DZANK1: variants seen among roughly 807,000 people sequenced by gnomAD.
DZANK1 encodes the protein double zinc ribbon and ankyrin repeat domains 1, also known as double zinc ribbon and ankyrin repeat-containing protein 1.
A neutral mutation model predicts 94.5 loss-of-function variants in DZANK1; 91 were observed. The observed-to-expected ratio is 0.96, with a 90% CI of 0.81 to 1.15. The LOEUF is 1.15. Ranked by LOEUF, DZANK1 falls within the 50% of genes most tolerant of loss-of-function variation. The probability of loss-of-function intolerance (pLI) is 0.00; values close to 1 mark genes in which losing one functional copy is unlikely to be tolerated. For synonymous variants in DZANK1, 312 were observed against 325.3 expected, an observed-to-expected ratio of 0.96 and a Z score of 0.44; for missense variants, 903 against 916.4, an observed-to-expected ratio of 0.99 and a Z score of 0.19.
At chr20:18,431,314 C>G (rs2058274888) in intron 9 of DZANK1, among the ~76,000 whole-genome samples, 1 of 152,136 alleles carries the variant, frequency 6.6e-6, no homozygotes, top group Non-Finnish European at 1.5e-5. Context: ...ACCATGGAAT[C>G]TGTCTTCATC....
intron 10 of DZANK1, among the ~76,000 whole-genome samples, chr20:18,424,187 T>C (rs1375202146): frequency 1.3e-5 from 2 of 152,178 alleles, no homozygotes; most frequent in East Asian, 1.9e-4. Context: ...CGGTGGCTCA[T>C]GCCTGTAATC....
intron 13 of DZANK1, among the ~76,000 whole-genome samples, chr20:18,401,829 A>G (rs762662670): frequency 6.6e-6 from 1 of 152,232 alleles, no homozygotes; most frequent in Non-Finnish European, 1.5e-5. Context: ...GCCTAGGCCC[A>G]GAACTATCAC....
At chr20:18,393,790 G>C (rs2056158810) in exon 17 of DZANK1, 14 of 1,612,286 alleles carry the variant, frequency 8.7e-6, no homozygotes, top group Non-Finnish European at 1.2e-5. Context: ...AGTATCTGAG[G>C]TACTCTGGCT....
At chr20:18,452,622 T>C in exon 6 of DZANK1, 1 of 1,592,388 alleles carries the variant, frequency 6.3e-7, no homozygotes, top group Non-Finnish European at 8.6e-7. Flanking sequence ...TACCTGGGAC[T>C]GGCGGGTGGG....
chr20:18,401,229 G>T (rs545649842), intron 13 of DZANK1, among the ~76,000 whole-genome samples: 1 of 152,254 alleles, frequency 6.6e-6, no homozygotes, highest in Admixed American at 6.5e-5. Flanking sequence ...GAGCCACCGA[G>T]CCTGGCCTAG....
Position 18,385,110 on chromosome 20 carries a change from C to T in DZANK1, c.2019-20G>A, listed in dbSNP as rs2048404319. The stretch of plus-strand genomic sequence containing the variant: ...CTGAGCCTAATGAGGGGGGAAAAAT[C>T]CTGGATAAATCCTTAGTTAGCATCA... On this transcript the variant is annotated intron_variant, in intron 19 of 20. Transcript: ENST00000262547. 1 of 1,551,182 alleles carries T rather than the reference C, an allele frequency of 6.4e-7. No individual in the cohort carries two copies. The highest frequency in any genetic ancestry group is 8.7e-7 in the Non-Finnish European group (1 of 1,146,694).
intron 8 of DZANK1, among the ~76,000 whole-genome samples, chr20:18,434,222 T>G (rs1329377720): frequency 6.7e-6 from 1 of 150,326 alleles, no homozygotes; most frequent in Non-Finnish European, 1.5e-5. Context: ...CATGATGGAA[T>G]GAGGAGGTCT....
intron 13 of DZANK1, among the ~76,000 whole-genome samples, chr20:18,405,430 T>C (rs909489010): frequency 6.6e-6 from 1 of 150,920 alleles, no homozygotes; most frequent in African/African-American, 2.4e-5. Context: ...GAAAAAGGAA[T>C]GAAGAAAAAT....
At chr20:18,396,539 G>T in exon 15 of DZANK1, 1 of 1,612,866 alleles carries the variant, frequency 6.2e-7, no homozygotes, top group South Asian at 1.1e-5. Context: ...GACAGTAGCA[G>T]AGATAAGCTT....
intron 8 of DZANK1, among the ~76,000 whole-genome samples, chr20:18,438,651 A>C (rs2058622035): frequency 6.6e-6 from 1 of 152,254 alleles, no homozygotes; most frequent in Non-Finnish European, 1.5e-5. Flanking sequence ...TTATAAGTGT[A>C]TATGACTGTA....
At chr20:18,394,223 G>A (rs890276154) in intron 16 of DZANK1, 31 bp downstream of exon 16, 2 of 1,593,990 alleles carry the variant, frequency 1.3e-6, no homozygotes, top group Non-Finnish European at 1.7e-6. Flanking sequence ...CTGGTCAGTT[G>A]TTTTAAAATT....
chr20:18,446,065 A>AG (rs2058868881), intron 7 of DZANK1, among the ~76,000 whole-genome samples: 2 of 42,750 alleles, frequency 4.7e-5, no homozygotes, highest in Non-Finnish European at 5.3e-5. Context: ...ACGCCCAGCC[A>AG]AAAAAAAAAA....
intron 17 of DZANK1, among the ~76,000 whole-genome samples, chr20:18,392,785 GAAACC>G (rs11473123): frequency 1.7e-4 from 25 of 151,252 alleles, no homozygotes; most frequent in South Asian, 4.2e-4. Flanking sequence ...ATCTGACAGG[GAAACC>G]AAACCAAACC....
rs60733649 is a variant in DZANK1, at chr20:18,458,599, T to C, written c.263+1554A>G. Among the ~76,000 whole-genome samples, 387 of 152,360 alleles carry C rather than the reference T, an allele frequency of 2.5e-3. 6 individuals carry two copies. Among genetic ancestry groups the C allele is most frequent in the Admixed American group, 0.021 (327 of 15,302 alleles). ...GAACCACTTCCTTAACTTATTCGCC[T>C]CAGCATCCATCTCATCTGTATGTTC... On this transcript the variant is annotated intron_variant, in intron 3 of 20. Transcript: ENST00000262547.
intron 8 of DZANK1, chr20:18,434,076 C>T (rs2058405629): frequency 4.8e-6 from 1 of 208,582 alleles, no homozygotes; most frequent in South Asian, 1.8e-4. Context: ...TACTATGTGT[C>T]AATTAAAAAG....
intron 10 of DZANK1, among the ~76,000 whole-genome samples, chr20:18,425,334 C>T (rs1162983083): frequency 1.3e-5 from 2 of 152,116 alleles, no homozygotes; most frequent in African/African-American, 2.4e-5. Flanking sequence ...GGGCGGATCA[C>T]GAGGTCAGGC....
At chr20:18,414,541 A>T in intron 11 of DZANK1, 29 bp from the exon 12 acceptor site, 2 of 1,560,674 alleles carry the variant, frequency 1.3e-6, no homozygotes, top group Non-Finnish European at 1.7e-6. Context: ...CTTGATGAAT[A>T]TTAGAGTTAT....
Position 18,460,308 on chromosome 20 carries a change from T to G in DZANK1, c.110-2A>C. ...AATATATGTTGACATCTGGAGTGTC[T>G]GAAAAATCCAAAACAGGATAACTAT... On this transcript the variant is annotated splice_acceptor_variant, in intron 2 of 20. Coordinates refer to ENST00000262547, the Ensembl canonical transcript of DZANK1. LOFTEE classifies it high-confidence loss of function. The G allele has an allele frequency of 2.6e-6, 4 of 1,510,828 alleles. No individual in the cohort carries two copies. Among genetic ancestry groups the G allele is most frequent in the South Asian group, 2.6e-5 (2 of 77,138 alleles). 93.6% of individuals were successfully genotyped at this position (1,510,828 alleles called of 1,614,324 possible).
At chr20:18,456,878 A>G (rs1305701399) in intron 3 of DZANK1, among the ~76,000 whole-genome samples, 2 of 152,194 alleles carry the variant, frequency 1.3e-5, no homozygotes, top group East Asian at 1.9e-4. Context: ...ACATTCATGT[A>G]TAAGTCTTTA....
Sources: allele counts gnomAD v4.1 joint callset (sites outside exome capture counted in the v4.1 genomes callset), GRCh38; gene constraint gnomAD v4.1.1; transcripts MANE v1.5; gene names NCBI Gene and HGNC (gene_info 2026-07-23, HGNC 2026-07-21).